Variants in SNX1 observed in about 807,000 individuals in gnomAD.
SNX1 encodes sorting nexin 1.
SNX1 carries 36 observed loss-of-function variants against 71.8 expected under a neutral mutation model. The ratio of observed to expected loss-of-function variants is 0.50; its 90% CI spans 0.38 to 0.66. The LOEUF is 0.66. SNX1 is among the 30% of genes least tolerant of loss of function. The pLI is 0.00. For synonymous variants in SNX1, 254 were observed against 240.7 expected (o/e 1.06, Z -0.51); for missense variants, 612 against 646.7 (o/e 0.95, Z 0.58).
intron 4 of SNX1, among the ~76,000 whole-genome samples, chr15:64,119,638 C>T (rs768916792): frequency 2.0e-5 from 3 of 151,594 alleles, no homozygotes; most frequent in African/African-American, 4.8e-5. Context: ...GCCAGAGAAT[C>T]GCTTGAACCC....
rs1041545742 is a variant in SNX1 at position 64,138,467 on chromosome 15, C to T, written c.*849C>T. The stretch of plus-strand genomic sequence containing the variant: ...TATATAACTAAACCTATTTTTGTCA[C>T]CCATCAAAACACATCCTCAGTAGAC... On this transcript the variant is annotated 3_prime_UTR_variant, in exon 15 of 15. Transcript: ENST00000559844. 14 of 354,108 alleles carry T rather than the reference C, an allele frequency of 4.0e-5. No homozygotes were observed. Among genetic ancestry groups the T allele is most frequent in the Middle Eastern group, 8.0e-4 (1 of 1,248 alleles). 21.9% of individuals were successfully genotyped at this position (354,108 alleles called of 1,614,324 possible).
chr15:64,121,260 A>ACAGAAATT (rs1484065767), intron 4 of SNX1, among the ~76,000 whole-genome samples: 1 of 152,202 alleles, frequency 6.6e-6, no homozygotes, highest in East Asian at 1.9e-4. Flanking sequence ...GGTTAAAACA[A>ACAGAAATT]CAGAAATTTC....
At chr15:64,112,957 TAA>T (rs1176602824) in intron 2 of SNX1, among the ~76,000 whole-genome samples, 1 of 152,168 alleles carries the variant, frequency 6.6e-6, no homozygotes, top group East Asian at 1.9e-4. Context: ...ATAGAAATAC[TAA>T]GTCACAGGAG....
At chr15:64,121,714 C>T (rs2081198690) in intron 4 of SNX1, among the ~76,000 whole-genome samples, 1 of 152,218 alleles carries the variant, frequency 6.6e-6, no homozygotes, top group African/African-American at 2.4e-5. Context: ...CATTTAAACA[C>T]AAATCACTCT....
Position 64,131,686 on chromosome 15 carries a change from G to T in SNX1, c.1016-1G>T. ...CCTCTGCTGTCTTTTCCTCCTTCCA[G>T]AGCTAGCGCTGAACACAGCCCAGTT... On this transcript the variant is annotated splice_acceptor_variant, in intron 10 of 14. Transcript: ENST00000559844. LOFTEE classifies it high-confidence loss of function. The T allele has an allele frequency of 6.2e-7, 1 of 1,613,874 alleles. No individual in the cohort carries two copies. The highest frequency in any genetic ancestry group is 8.5e-7 in the Non-Finnish European group (1 of 1,179,990).
At chr15:64,109,889 C>T (rs76970800) in intron 1 of SNX1, among the ~76,000 whole-genome samples, 1 of 152,290 alleles carries the variant, frequency 6.6e-6, no homozygotes, top group East Asian at 1.9e-4. Context: ...CACTCTTACA[C>T]ACTTCTGGGG....
At chr15:64,111,201 G>A (rs1326629249) in intron 1 of SNX1, among the ~76,000 whole-genome samples, 1 of 152,160 alleles carries the variant, frequency 6.6e-6, no homozygotes, top group Non-Finnish European at 1.5e-5. Context: ...TGAAGCAAAA[G>A]GGAAATGCTG....
At chr15:64,128,399 T>TATAA (rs2081274892) in intron 8 of SNX1, among the ~76,000 whole-genome samples, 1 of 152,152 alleles carries the variant, frequency 6.6e-6, no homozygotes, top group South Asian at 2.1e-4. Flanking sequence ...TGAAATAGCA[T>TATAA]ATAAATACAG....
At chr15:64,136,755 C>T (rs2081363920) in intron 13 of SNX1, 106 bp from the exon 14 acceptor site, 1 of 802,826 alleles carries the variant, frequency 1.2e-6, no homozygotes, top group South Asian at 1.6e-5. Flanking sequence ...CACCTGCTGC[C>T]TCTACTTTCT....
intron 1 of SNX1, among the ~76,000 whole-genome samples, chr15:64,100,931 C>T (rs527392425): frequency 5.9e-5 from 9 of 152,250 alleles, no homozygotes; most frequent in East Asian, 1.9e-4. Context: ...CAGCCTCCTG[C>T]GTAGCATGTG....
rs1288819697 is a variant in SNX1, at chr15:64,115,587, A to G, written c.272-2530A>G. 6 of 395,940 alleles carry G rather than the reference A, an allele frequency of 1.5e-5. No individual in the cohort carries two copies. The Admixed American group carries it at 1.9e-4, about 12-fold the overall frequency. The allele number at this position is 395,940 out of a possible 1,614,324, so 24.5% of individuals were successfully genotyped here. ...GCTTTTTTTTTTTTTTTTTTGAGAC[A>G]GGGTCTCACTCTGTTGCCCAGGCTG... On this transcript the variant is annotated intron_variant, in intron 2 of 14. Transcript: ENST00000559844.
chr15:64,115,446 C>T (rs528636813), intron 2 of SNX1: 40 of 294,332 alleles, frequency 1.4e-4, no homozygotes, highest in African/African-American at 7.0e-4. Context: ...TCTCATGGAG[C>T]CTGAATGCTT....
chr15:64,106,340 A>C (rs12898200), intron 1 of SNX1, among the ~76,000 whole-genome samples: 82,645 of 152,084 alleles, frequency 0.54, 27,311 homozygotes, highest in East Asian at 0.81. Context: ...CTATGGAGTT[A>C]AACTCTAGTT....
rs150403479 is a variant in SNX1, at chr15:64,141,033, T to TATAG, written c.*3430_*3433dup. 2.6e-5 allele frequency: 3 copies of TATAG among 116,650 alleles called. No individual in the cohort carries two copies. The highest frequency in any genetic ancestry group is 3.1e-4 in the South Asian group (1 of 3,176). The allele number at this position is 116,650 out of a possible 1,614,324, so 7.2% of individuals were successfully genotyped here. On this transcript the variant is annotated 3_prime_UTR_variant, in exon 15 of 15. Coordinates refer to ENST00000559844, the MANE Select transcript of SNX1 (RefSeq NM_003099.5). The surrounding 1 kb of genome is among the most constrained non-coding windows in gnomAD (Gnocchi z 5.1). ...GATAGATAGATAGATAGATGATAGA[T>TATAG]ATAGATAGATAGATAGATTGATTGA... is the stretch of plus-strand genomic sequence containing the variant.
chr15:64,096,272 G>C, intron 1 of SNX1, 100 bp downstream of exon 1: 2 of 1,392,216 alleles, frequency 1.4e-6, no homozygotes, highest in East Asian at 5.2e-5. Flanking sequence ...GGCCCGGTGA[G>C]ACCTTGCCTC....
At chr15:64,096,579 A>C (rs1308818677) in intron 1 of SNX1, among the ~76,000 whole-genome samples, 1 of 152,216 alleles carries the variant, frequency 6.6e-6, no homozygotes, top group East Asian at 1.9e-4. Context: ...GAATAGCGTT[A>C]TGTGGACTAG....
At chr15:64,128,928 A>G (rs934030172) in intron 8 of SNX1, among the ~76,000 whole-genome samples, 2 of 152,084 alleles carry the variant, frequency 1.3e-5, no homozygotes, top group Non-Finnish European at 1.5e-5. Flanking sequence ...AATGTCCCCT[A>G]GGAAGCAAAG....
intron 1 of SNX1, among the ~76,000 whole-genome samples, chr15:64,108,823 A>T (rs985670392): frequency 6.6e-6 from 1 of 151,844 alleles, no homozygotes; most frequent in Non-Finnish European, 1.5e-5. Flanking sequence ...CGCCGTCTCC[A>T]CTAATAATAC....
chr15:64,096,522 A>G (rs1402463088), intron 1 of SNX1, among the ~76,000 whole-genome samples: 3 of 152,246 alleles, frequency 2.0e-5, no homozygotes. Context: ...AGGACGGAAT[A>G]AGCGAATGGG....
Sources: gnomAD v4.1 joint callset for allele counts (sites outside exome capture counted in the v4.1 genomes callset) on GRCh38, gnomAD v4.1.1 for gene constraint, Gnocchi (gnomAD v3.1) non-coding constraint, MANE v1.5 for transcripts, NCBI Gene and HGNC (gene_info 2026-07-23, HGNC 2026-07-21) for gene names.